Variants in HTR1F observed in about 807,000 individuals in gnomAD.
HTR1F encodes 5-hydroxytryptamine (serotonin) receptor 1F, G protein-coupled.
A neutral mutation model predicts 24.0 loss-of-function variants in HTR1F; 17 were observed. That is an observed-to-expected ratio of 0.71 (90% CI 0.48 to 1.06). HTR1F has a LOEUF of 1.06. HTR1F is among the 50% of genes least tolerant of loss of function. HTR1F has a pLI of 0.00. For synonymous variants in HTR1F, 186 were observed against 156.8 expected, an observed-to-expected ratio of 1.19 and a Z score of -1.39; for missense variants, 391 against 427.8, an observed-to-expected ratio of 0.91 and a Z score of 0.76.
chr3:87,802,350 C>T (rs551472608), intron 1 of HTR1F, among the ~76,000 whole-genome samples: 1 of 125,588 alleles, frequency 8.0e-6, no homozygotes, highest in Middle Eastern at 4.6e-3. Flanking sequence ...TCTCTTTCTT[C>T]TTTTTTTTGA....
chr3:87,893,246 CA>C (rs1473526961), intron 2 of HTR1F, among the ~76,000 whole-genome samples: 1 of 151,976 alleles, frequency 6.6e-6, no homozygotes, highest in African/African-American at 2.4e-5. Context: ...TATAATTAAA[CA>C]AAATAAGTAA....
At chr3:87,874,056 G>C (rs1705616462) in intron 2 of HTR1F, among the ~76,000 whole-genome samples, 1 of 152,050 alleles carries the variant, frequency 6.6e-6, no homozygotes, top group South Asian at 2.1e-4. Flanking sequence ...TTTCCTGTAA[G>C]ATTAGGAACA....
In HTR1F at chr3:87,912,633, C is replaced by CA. The variant is rs35147140; in HGVS notation, c.-42-78056dup. Among the ~76,000 whole-genome samples the CA allele has an allele frequency of 3.0e-3, 254 of 84,494 alleles. 3 individuals are homozygous for CA. The highest frequency in any genetic ancestry group is 8.2e-3 in the African/African-American group (195 of 23,850). 55.4% of individuals were successfully genotyped at this position (84,494 alleles called of 152,430 possible). On this transcript the variant is annotated intron_variant, in intron 2 of 2. Coordinates refer to ENST00000319595, the MANE Select transcript of HTR1F (RefSeq NM_001322209.2). ...TCTGAATAGCCCAGGCAATCCTAGGCAAAAAAAAAAAAAAAAAAACAAAGC... is the reference window on the plus strand; with the variant it reads ...TCTGAATAGCCCAGGCAATCCTAGGCAAAAAAAAAAAAAAAAAAAACAAAGC...
intron 2 of HTR1F, among the ~76,000 whole-genome samples, chr3:87,987,714 ATGTATTTTATATATG>A (rs71131537): frequency 0.066 from 4,688 of 71,260 alleles, 1,114 homozygotes; most frequent in South Asian, 0.11. Flanking sequence ...TATTATATAT[ATGTATTTTATATATG>A]TATTTTATAT....
At chr3:87,913,041 T>G (rs918557143) in intron 2 of HTR1F, among the ~76,000 whole-genome samples, 2 of 152,128 alleles carry the variant, frequency 1.3e-5, no homozygotes, top group African/African-American at 2.4e-5. Flanking sequence ...AAATATTTTA[T>G]GATGAAGACC....
rs2107529760 is a variant in HTR1F, at chr3:87,992,490, C to T, written c.*640C>T. 1 of 167,088 alleles carries T rather than the reference C, an allele frequency of 6.0e-6. No individual in the cohort carries two copies. Among genetic ancestry groups the T allele is most frequent in the Non-Finnish European group, 1.5e-5 (1 of 68,078 alleles). The allele number at this position is 167,088 out of a possible 1,614,324, so 10.4% of individuals were successfully genotyped here. A position where few individuals can be genotyped will look rare whatever the true frequency, so the allele number is the denominator to read the frequency against. On this transcript the variant is annotated 3_prime_UTR_variant, in exon 3 of 3. Coordinates refer to ENST00000319595, the MANE Select transcript of HTR1F (RefSeq NM_001322209.2). The stretch of plus-strand genomic sequence containing the variant: ...AAAATAATTCAATACTGAACTTGTG[C>T]ATATTTAATGTATTATGTTTGATAT...
intron 2 of HTR1F, among the ~76,000 whole-genome samples, chr3:87,934,304 A>G (rs1704358837): frequency 6.6e-6 from 1 of 152,236 alleles, no homozygotes; most frequent in Non-Finnish European, 1.5e-5. Context: ...GTTGTAGCAT[A>G]CACTGTTGGT....
chr3:87,992,961 GTAAT>G lies in HTR1F; in HGVS notation c.*1114_*1117del. 1 of 166,722 alleles carries G rather than the reference GTAAT, an allele frequency of 6.0e-6. No homozygotes were observed. The highest frequency in any genetic ancestry group is 1.9e-4 in the East Asian group (1 of 5,192). 10.3% of individuals were successfully genotyped at this position (166,722 alleles called of 1,614,324 possible). ...TAAATGTACACACATATATATTTTT[GTAAT>G]TAGTCACTCTACTAGTTCAGTGAGC... On this transcript the variant is annotated 3_prime_UTR_variant, in exon 3 of 3. Transcript: ENST00000319595.
At chr3:87,835,318 C>T (rs773997643) in intron 2 of HTR1F, among the ~76,000 whole-genome samples, 1 of 147,164 alleles carries the variant, frequency 6.8e-6, no homozygotes, top group Non-Finnish European at 1.5e-5. Flanking sequence ...CAGACAGGAT[C>T]TAAATATGGA....
At chr3:87,909,142 T>C (rs2107344134) in intron 2 of HTR1F, among the ~76,000 whole-genome samples, 1 of 152,104 alleles carries the variant, frequency 6.6e-6, no homozygotes, top group African/African-American at 2.4e-5. Context: ...TGGTAAATAC[T>C]AGTGCCCAAC....
chr3:87,857,585 CT>C (rs763271559), intron 2 of HTR1F, among the ~76,000 whole-genome samples: 83 of 150,944 alleles, frequency 5.5e-4, no homozygotes, highest in African/African-American at 1.4e-3. Flanking sequence ...TTTTTAAAGA[CT>C]TTTTTTTTAG....
chr3:87,972,458 T>C (rs1391462634), intron 2 of HTR1F, among the ~76,000 whole-genome samples: 2 of 152,220 alleles, frequency 1.3e-5, no homozygotes, highest in Non-Finnish European at 2.9e-5. Flanking sequence ...CACCAATCTC[T>C]GGTGACTACA....
intron 1 of HTR1F, among the ~76,000 whole-genome samples, chr3:87,820,177 T>A (rs976221084): frequency 6.9e-6 from 1 of 144,210 alleles, no homozygotes; most frequent in Non-Finnish European, 1.5e-5. Context: ...CATGACCCAT[T>A]TTTTTTTTTT....
rs778288667 is a variant in HTR1F, at chr3:87,820,978, G to T, written c.-159-1030G>T. ...CAAATCAACTATCTTTCAACTGAAG[G>T]TAATAATTGATTTTCTCACTGATTT... On this transcript the variant is annotated intron_variant, in intron 1 of 2. Transcript: ENST00000319595. 4.6e-5 allele frequency among the ~76,000 whole-genome samples: 7 copies of T among 152,200 alleles called. No individual in the cohort carries two copies. The South Asian group carries it at 1.2e-3, about 27-fold the overall frequency.
At chr3:87,911,613 G>A (rs1419119686) in intron 2 of HTR1F, among the ~76,000 whole-genome samples, 2 of 151,876 alleles carry the variant, frequency 1.3e-5, no homozygotes, top group Non-Finnish European at 2.9e-5. Context: ...AAATGTGGCA[G>A]AGACACAACA....
At chr3:87,976,034 T>C (rs1322372728) in intron 2 of HTR1F, among the ~76,000 whole-genome samples, 2 of 152,256 alleles carry the variant, frequency 1.3e-5, no homozygotes, top group Non-Finnish European at 2.9e-5. Context: ...TCATTTGTCT[T>C]GTTTATGCTA....
At chr3:87,936,888 A>G (rs1250675243) in intron 2 of HTR1F, among the ~76,000 whole-genome samples, 1 of 149,874 alleles carries the variant, frequency 6.7e-6, no homozygotes, top group Admixed American at 6.6e-5. Context: ...AGAGACAAAG[A>G]AATTCCTAGA....
chr3:87,848,572 G>A (rs190546430), intron 2 of HTR1F, among the ~76,000 whole-genome samples: 15 of 151,844 alleles, frequency 9.9e-5, no homozygotes, highest in African/African-American at 3.4e-4. Context: ...TTATATAAAT[G>A]TTAGGTACAA....
At chr3:87,926,431 A>C (rs1704128756) in intron 2 of HTR1F, among the ~76,000 whole-genome samples, 1 of 152,118 alleles carries the variant, frequency 6.6e-6, no homozygotes, top group Admixed American at 6.6e-5. Context: ...TTTTCTTTTT[A>C]TCAGAACACT....
Sources: allele counts gnomAD v4.1 joint callset (sites outside exome capture counted in the v4.1 genomes callset), GRCh38; gene constraint gnomAD v4.1.1; transcripts MANE v1.5; gene names NCBI Gene and HGNC (gene_info 2026-07-23, HGNC 2026-07-21).